The following MB21D2 variants were observed in gnomAD, a reference collection of about 807,000 sequenced individuals.
MB21D2 encodes Mab-21 domain containing 2, also known as nucleotidyltransferase MB21D2.
MB21D2 carries 9 observed loss-of-function variants against 33.3 expected under a neutral mutation model. The observed-to-expected ratio is 0.27, with a 90% CI of 0.16 to 0.47. The LOEUF (loss-of-function observed/expected upper bound fraction) is 0.47, where lower values mean the gene tolerates loss of function less well. Ranked by LOEUF, MB21D2 falls within the 20% of genes least tolerant of loss-of-function variation. The pLI, the probability that MB21D2 is intolerant of heterozygous loss-of-function variation, is 0.99. For synonymous variants in MB21D2, 241 were observed against 236.3 expected (o/e 1.02, Z -0.18); for missense variants, 540 against 624.6 (o/e 0.86, Z 1.44).
chr3:192,813,072 G>A (rs1711826233), intron 1 of MB21D2, among the ~76,000 whole-genome samples: 1 of 152,088 alleles, frequency 6.6e-6, no homozygotes, highest in African/African-American at 2.4e-5. Flanking sequence ...AAAAGCATCA[G>A]TCCCAGGCCT....
At chr3:192,889,176 G>T (rs1348850005) in intron 1 of MB21D2, among the ~76,000 whole-genome samples, 1 of 152,066 alleles carries the variant, frequency 6.6e-6, no homozygotes, top group Non-Finnish European at 1.5e-5. Flanking sequence ...AGTTAGTTCA[G>T]GCAGGCAGAG....
chr3:192,819,038 GC>G (rs1711986847), intron 1 of MB21D2, among the ~76,000 whole-genome samples: 3 of 152,000 alleles, frequency 2.0e-5, no homozygotes. Context: ...ATGCTCTTGG[GC>G]AAGACAGGCT....
In MB21D2 at chr3:192,816,677, T is replaced by C. The variant is rs2108614551; in HGVS notation, c.212-17027A>G. Among the ~76,000 whole-genome samples, 2 of 152,278 alleles carry C rather than the reference T, an allele frequency of 1.3e-5. 1 individual carries two copies. The highest frequency in any genetic ancestry group is 4.2e-4 in the South Asian group (2 of 4,816). ...GTCACGATGGGATGTCACATCGTCG[T>C]TGGTAAGATTCACAGCTTTGAGGTG... On this transcript the variant is annotated intron_variant, in intron 1 of 1. Coordinates refer to ENST00000392452, the MANE Select transcript of MB21D2 (RefSeq NM_178496.4).
rs1261471818 is a variant in MB21D2, at chr3:192,799,542, A to G, written c.320T>C (p.Val107Ala). 11 of 1,614,088 alleles carry G rather than the reference A, an allele frequency of 6.8e-6. No individual in the cohort carries two copies. The highest frequency in any genetic ancestry group is 9.3e-6 in the Non-Finnish European group (11 of 1,180,034). The change falls in exon 2 of 2, where the codon GTC (valine) becomes GCC (alanine). Residue 107 changes from valine to alanine, a missense_variant. Val to Ala is a moderately conservative substitution (Grantham distance 64). Transcript: ENST00000392452. The surrounding 1 kb of genome is among the most constrained non-coding windows in gnomAD (Gnocchi z 4.1). ...VVDLDLDELN[V>A]YARGTDYDMD... ...ATCATAGTCAGTACCCCGGGCATAG[A>G]CATTAAGCTCATCTAAGTCCAGGTC...
chr3:192,873,137 A>G (rs1560246090), intron 1 of MB21D2, among the ~76,000 whole-genome samples: 1 of 152,100 alleles, frequency 6.6e-6, no homozygotes, highest in Non-Finnish European at 1.5e-5. Flanking sequence ...TGAATCCATT[A>G]CCTACCCCTG....
rs758368194 is a variant in MB21D2, at chr3:192,798,615, T to C, written c.1247A>G (p.Glu416Gly). ...CAGCCGGTTGGCTGCCTTGACATGC[T>C]CAATGGCGGTGCGCAAGTGCTCTGC... ...DPAEHLRTAI[E>G]HVKAANRLTL... The change falls in exon 2 of 2, where the codon GAG (glutamate) becomes GGG (glycine). Residue 416 changes from glutamate to glycine, a missense_variant. Coordinates refer to ENST00000392452, the MANE Select transcript of MB21D2 (RefSeq NM_178496.4). This position sits in a 1 kb window ranked among gnomAD's most constrained non-coding sequence, Gnocchi z 4.8. 3.1e-6 allele frequency: 5 copies of C among 1,613,962 alleles called. No homozygotes were observed. Among genetic ancestry groups the C allele is most frequent in the Non-Finnish European group, 4.2e-6 (5 of 1,180,020 alleles).
chr3:192,910,816 A>G (rs1714335515), intron 1 of MB21D2, among the ~76,000 whole-genome samples: 1 of 152,210 alleles, frequency 6.6e-6, no homozygotes, highest in Non-Finnish European at 1.5e-5. Flanking sequence ...ATCATTGGAA[A>G]ACGGGCAGAA....
intron 1 of MB21D2, among the ~76,000 whole-genome samples, chr3:192,916,618 G>C (rs925875315): frequency 2.6e-5 from 4 of 152,204 alleles, no homozygotes; most frequent in Non-Finnish European, 5.9e-5. Context: ...TGGCGGAGCC[G>C]CAAGTTACAA....
chr3:192,843,407 T>C (rs1712614316), intron 1 of MB21D2, among the ~76,000 whole-genome samples: 2 of 152,152 alleles, frequency 1.3e-5, no homozygotes, highest in Non-Finnish European at 1.5e-5. Context: ...CTGCTTGCTA[T>C]GATCAGACAA....
chr3:192,858,813 T>C (rs1003510919), intron 1 of MB21D2, among the ~76,000 whole-genome samples: 10 of 152,198 alleles, frequency 6.6e-5, no homozygotes, highest in African/African-American at 2.4e-4. Context: ...TATACTTCTA[T>C]TTACAGGTAT....
chr3:192,878,081 CTTTTTTTTT>C (rs11294126), intron 1 of MB21D2, among the ~76,000 whole-genome samples: 2 of 119,532 alleles, frequency 1.7e-5, no homozygotes, highest in Non-Finnish European at 3.3e-5. Context: ...AATTCCTCCT[CTTTTTTTTT>C]TTTTTTTTTT....
At chr3:192,800,508 A>G (rs574217581) in intron 1 of MB21D2, among the ~76,000 whole-genome samples, 1 of 152,340 alleles carries the variant, frequency 6.6e-6, no homozygotes, top group South Asian at 2.1e-4. Flanking sequence ...GTTCTTTACC[A>G]CTGACATGCA....
intron 1 of MB21D2, among the ~76,000 whole-genome samples, chr3:192,898,171 CA>C (rs1213369019): frequency 0.056 from 7,624 of 135,544 alleles, 507 homozygotes; most frequent in African/African-American, 0.16. Context: ...ATTTATTTTT[CA>C]AAAAAAAAAA....
At chr3:192,852,535 A>G (rs2108630064) in intron 1 of MB21D2, among the ~76,000 whole-genome samples, 1 of 152,334 alleles carries the variant, frequency 6.6e-6, no homozygotes, top group Admixed American at 6.5e-5. Flanking sequence ...AAGGAGAAAT[A>G]AGCAATTGCC....
At chr3:192,886,266 T>C (rs1269109574) in intron 1 of MB21D2, among the ~76,000 whole-genome samples, 2 of 152,200 alleles carry the variant, frequency 1.3e-5, no homozygotes. Context: ...TCTATTTTTA[T>C]AATTTTTGAC....
At chr3:192,888,914 C>A (rs1713790235) in intron 1 of MB21D2, among the ~76,000 whole-genome samples, 9 of 152,036 alleles carry the variant, frequency 5.9e-5, no homozygotes, top group Admixed American at 5.9e-4. Flanking sequence ...CTCTGTCACC[C>A]AGGCTGGAGT....
At chr3:192,841,680 C>G (rs1308744288) in intron 1 of MB21D2, among the ~76,000 whole-genome samples, 1 of 152,258 alleles carries the variant, frequency 6.6e-6, no homozygotes, top group South Asian at 2.1e-4. Flanking sequence ...AAGCCACTCC[C>G]AGATTCCTGA....
chr3:192,885,412 T>C (rs1280476670), intron 1 of MB21D2, among the ~76,000 whole-genome samples: 1 of 152,086 alleles, frequency 6.6e-6, no homozygotes. Flanking sequence ...CCTCTACTCA[T>C]GAATAAATAT....
intron 1 of MB21D2, among the ~76,000 whole-genome samples, chr3:192,812,915 C>A (rs1483857536): frequency 6.6e-6 from 1 of 152,110 alleles, no homozygotes; most frequent in Non-Finnish European, 1.5e-5. Flanking sequence ...CCTTACTAAG[C>A]CATTCCCAAA....
Sources: gnomAD v4.1 joint callset for allele counts (sites outside exome capture counted in the v4.1 genomes callset) on GRCh38, gnomAD v4.1.1 for gene constraint, Gnocchi (gnomAD v3.1) non-coding constraint, MANE v1.5 for transcripts, NCBI Gene and HGNC (gene_info 2026-07-23, HGNC 2026-07-21) for gene names.